The following PTPRK variants were observed in gnomAD, a reference collection of about 807,000 sequenced individuals.
PTPRK encodes the protein protein tyrosine phosphatase receptor type K.
In PTPRK, 75 loss-of-function variants were observed where a neutral mutation model predicts 178.0. The observed-to-expected ratio is 0.42, with a 90% CI of 0.35 to 0.51. PTPRK has a LOEUF of 0.51. Ranked by LOEUF, PTPRK falls within the 20% of genes least tolerant of loss-of-function variation. The pLI, the probability that PTPRK is intolerant of heterozygous loss-of-function variation, is 0.02. For synonymous variants in PTPRK, 637 were observed against 620.6 expected (o/e 1.03, Z -0.39); for missense variants, 1,441 against 1,797.8 (o/e 0.80, Z 3.59).
intron 7 of PTPRK, among the ~76,000 whole-genome samples, chr6:128,100,483 G>A (rs1221811215): frequency 6.6e-6 from 1 of 151,924 alleles, no homozygotes; most frequent in Non-Finnish European, 1.5e-5. Flanking sequence ...TTTAAGGACT[G>A]AGGTTGTCCA....
chr6:128,462,352 T>TAGCCAAATATAGCCAA (rs1272668924), intron 1 of PTPRK, among the ~76,000 whole-genome samples: 24 of 152,286 alleles, frequency 1.6e-4, no homozygotes, highest in African/African-American at 5.8e-4. Context: ...TTTTAATACT[T>TAGCCAAATATAGCCAA]ATGTAATCCA....
intron 3 of PTPRK, among the ~76,000 whole-genome samples, chr6:128,296,773 C>A (rs1824495004): frequency 6.6e-6 from 1 of 152,134 alleles, no homozygotes; most frequent in Non-Finnish European, 1.5e-5. Context: ...CAAAATCATG[C>A]CAAATTGTAA....
intron 8 of PTPRK, among the ~76,000 whole-genome samples, chr6:128,089,103 C>G (rs1030362163): frequency 6.6e-6 from 1 of 152,090 alleles, no homozygotes; most frequent in African/African-American, 2.4e-5. Context: ...CTGAGATTGG[C>G]AGGCACCCGC....
At chr6:128,175,188 T>C (rs1219337924) in intron 7 of PTPRK, among the ~76,000 whole-genome samples, 1 of 151,902 alleles carries the variant, frequency 6.6e-6, no homozygotes, top group Non-Finnish European at 1.5e-5. Context: ...AGCTGTTTGA[T>C]ATTGATCAAA....
chr6:128,141,957 ATCTT>A (rs1230699569), intron 7 of PTPRK, among the ~76,000 whole-genome samples: 2 of 151,936 alleles, frequency 1.3e-5, no homozygotes, highest in African/African-American at 2.4e-5. Context: ...ATTAAGATAA[ATCTT>A]TCTTCCTTCC....
At chr6:128,354,159 T>A (rs1833580934) in intron 2 of PTPRK, among the ~76,000 whole-genome samples, 1 of 151,594 alleles carries the variant, frequency 6.6e-6, no homozygotes, top group South Asian at 2.1e-4. Context: ...CAGAAAATTA[T>A]CATATTCCTT....
At chr6:128,208,947 C>G (rs1464578255) in intron 6 of PTPRK, among the ~76,000 whole-genome samples, 2 of 152,118 alleles carry the variant, frequency 1.3e-5, no homozygotes, top group Non-Finnish European at 2.9e-5. Context: ...GACCATAATA[C>G]CACATTTTAT....
chr6:128,295,597 C>A (rs1261609186), intron 3 of PTPRK, among the ~76,000 whole-genome samples: 1 of 152,022 alleles, frequency 6.6e-6, no homozygotes, highest in African/African-American at 2.4e-5. Flanking sequence ...GTGCCGAATA[C>A]AAATCTGATC....
At chr6:128,465,644 A>G (rs964873562) in intron 1 of PTPRK, among the ~76,000 whole-genome samples, 3 of 152,216 alleles carry the variant, frequency 2.0e-5, no homozygotes, top group African/African-American at 7.2e-5. Context: ...ACACCAGGAA[A>G]ATGAATTCCT....
chr6:128,439,177 T>C (rs559324736), intron 1 of PTPRK, among the ~76,000 whole-genome samples: 1 of 152,250 alleles, frequency 6.6e-6, no homozygotes, highest in South Asian at 2.1e-4. Flanking sequence ...CAAAATTGAT[T>C]GAACAGTTAT....
At chr6:128,381,642 T>C (rs889588573) in intron 2 of PTPRK, among the ~76,000 whole-genome samples, 2 of 152,170 alleles carry the variant, frequency 1.3e-5, no homozygotes, top group East Asian at 3.8e-4. Context: ...CTGCACTCTG[T>C]ATTTCATTTC....
At position 128,145,238 on chromosome 6, in the gene PTPRK, T is replaced by C. The variant is rs78281628; in HGVS notation, c.1162+39194A>G. Among the ~76,000 whole-genome samples, 644 of 152,104 alleles carry C rather than the reference T, an allele frequency of 4.2e-3. 5 individuals carry two copies. The highest frequency in any genetic ancestry group is 0.015 in the African/African-American group (624 of 41,512). ...AAAAATTTGTTAAGAGGGTAGTTCT[T>C]GTGTTCCTATCACACGCACACACAC... On this transcript the variant is annotated intron_variant, in intron 7 of 29. Coordinates refer to ENST00000368226, the MANE Select transcript of PTPRK (RefSeq NM_002844.4).
intron 1 of PTPRK, among the ~76,000 whole-genome samples, chr6:128,442,698 C>G (rs996624115): frequency 6.6e-6 from 1 of 152,170 alleles, no homozygotes; most frequent in Non-Finnish European, 1.5e-5. Flanking sequence ...TCAAACTAAA[C>G]TTGTGCAAAA....
chr6:128,401,546 C>G (rs1157091763), intron 1 of PTPRK, among the ~76,000 whole-genome samples: 1 of 152,042 alleles, frequency 6.6e-6, no homozygotes, highest in East Asian at 1.9e-4. Flanking sequence ...CAAAGTTGAA[C>G]TGAAGAAAAA....
At chr6:128,417,330 T>C (rs555572060) in intron 1 of PTPRK, among the ~76,000 whole-genome samples, 11 of 152,198 alleles carry the variant, frequency 7.2e-5, no homozygotes, top group Admixed American at 2.6e-4. Context: ...AGAGTACTAA[T>C]TGTAATTTCA....
At chr6:128,136,197 C>T (rs1310013752) in intron 7 of PTPRK, among the ~76,000 whole-genome samples, 1 of 152,194 alleles carries the variant, frequency 6.6e-6, no homozygotes, top group Non-Finnish European at 1.5e-5. Context: ...AACCTCCTGA[C>T]ACTTTGATTT....
At chr6:128,444,599 C>T (rs1329743874) in intron 1 of PTPRK, among the ~76,000 whole-genome samples, 2 of 152,140 alleles carry the variant, frequency 1.3e-5, no homozygotes, top group Non-Finnish European at 2.9e-5. Context: ...TTTTCTTTAA[C>T]AGGCTCAAAG....
intron 13 of PTPRK, among the ~76,000 whole-genome samples, chr6:128,032,269 C>T (rs1350190489): frequency 1.3e-5 from 2 of 152,132 alleles, no homozygotes; most frequent in African/African-American, 4.8e-5. Context: ...CCCACCTTAC[C>T]CTCTTGCTTC....
At chr6:128,409,749 G>T (rs1473693529) in intron 1 of PTPRK, among the ~76,000 whole-genome samples, 1 of 152,126 alleles carries the variant, frequency 6.6e-6, no homozygotes, top group Admixed American at 6.6e-5. Flanking sequence ...CCATGCTGTT[G>T]TAGTTGTTAT....
Sources: allele counts gnomAD v4.1 joint callset (sites outside exome capture counted in the v4.1 genomes callset), GRCh38; gene constraint gnomAD v4.1.1; transcripts MANE v1.5; gene names NCBI Gene and HGNC (gene_info 2026-07-23, HGNC 2026-07-21).